CAPN14: variants seen among roughly 807,000 people sequenced by gnomAD.
CAPN14 encodes calpain-14.
Under a neutral mutation model 101.3 loss-of-function variants are expected in CAPN14, and 94 were observed. The observed-to-expected ratio is 0.93, with a 90% CI of 0.79 to 1.10. The LOEUF is 1.10. CAPN14 is among the 50% of genes least tolerant of loss of function. The probability of loss-of-function intolerance (pLI) is 0.00; values close to 1 mark genes in which losing one functional copy is unlikely to be tolerated. For synonymous variants in CAPN14, 338 were observed against 317.9 expected, an observed-to-expected ratio of 1.06 and a Z score of -0.67; for missense variants, 837 against 828.4, an observed-to-expected ratio of 1.01 and a Z score of -0.13.
At position 31,178,373 on chromosome 2, in the gene CAPN14, C is replaced by T. The variant is rs114302016; in HGVS notation, c.1779+138G>A. 2.0e-3 allele frequency: 1,366 copies of T among 674,944 alleles called. 15 individuals carry two copies. In the African/African-American group the frequency reaches 0.022, roughly 11 times the overall value. The allele number at this position is 674,944 out of a possible 1,614,324, so 41.8% of individuals were successfully genotyped here. On this transcript the variant is annotated intron_variant, in intron 18 of 21. Coordinates refer to ENST00000403897, the MANE Select transcript of CAPN14 (RefSeq NM_001145122.2). ...TTGGAAGAGACCAATAGAGGAAATG[C>T]TCACCGAAGGGAGAATAGAGAAGGT...
In CAPN14 at chr2:31,202,199, G is replaced by C; in HGVS notation, c.349C>G (p.Leu117Val). The C allele has an allele frequency of 4.5e-6, 7 of 1,551,792 alleles. No individual in the cohort carries two copies. Among genetic ancestry groups the C allele is most frequent in the Non-Finnish European group, 6.1e-6 (7 of 1,147,022 alleles). Residue 117 changes from leucine (L) to valine (V), a missense_variant, in exon 4 of 22, where the codon CTG (leucine) becomes GTG (valine). By Grantham distance (32) the Leu-to-Val change is conservative. Transcript: ENST00000403897. ...LQALALHQDI[L>V]SRVVPLNQSF... ...TGATTCAGGGGAACAACCCGGCTCA[G>C]GATGTCCTGGTGCAAGGCCAGAGCT...
chr2:31,187,933 G>A (rs766332580), intron 14 of CAPN14, 119 bp from the exon 15 acceptor site: 22 of 814,636 alleles, frequency 2.7e-5, no homozygotes, highest in South Asian at 8.9e-5. Context: ...ACTTTGCATC[G>A]TCTTTAATTT....
At chr2:31,184,847 C>G (rs577594102) in intron 16 of CAPN14, among the ~76,000 whole-genome samples, 1 of 152,166 alleles carries the variant, frequency 6.6e-6, no homozygotes, top group South Asian at 2.1e-4. Context: ...TGAATTTGTA[C>G]GAGCTTATTT....
At chr2:31,180,517 G>C (rs1680538422) in intron 17 of CAPN14, among the ~76,000 whole-genome samples, 1 of 152,116 alleles carries the variant, frequency 6.6e-6, no homozygotes, top group Non-Finnish European at 1.5e-5. Flanking sequence ...TCTGTGCATG[G>C]GGGCAGCCAC....
At chr2:31,204,552 C>T (rs1331164343) in intron 2 of CAPN14, among the ~76,000 whole-genome samples, 1 of 152,032 alleles carries the variant, frequency 6.6e-6, no homozygotes, top group African/African-American at 2.4e-5. Context: ...AAATTGATCA[C>T]CAAAGGCCAA....
intron 1 of CAPN14, chr2:31,226,729 A>G (rs1371302897): frequency 6.6e-6 from 1 of 152,266 alleles, no homozygotes; most frequent in East Asian, 1.9e-4. Flanking sequence ...AGCAGCTCAG[A>G]GCCCAGTGTG....
intron 1 of CAPN14, among the ~76,000 whole-genome samples, chr2:31,215,330 G>A (rs1169168991): frequency 6.6e-6 from 1 of 151,536 alleles, no homozygotes; most frequent in Non-Finnish European, 1.5e-5. Context: ...AGCTAGATGA[G>A]CGGTCAGACT....
chr2:31,221,242 A>G (rs942363054), upstream of CAPN14, among the ~76,000 whole-genome samples: 1 of 152,228 alleles, frequency 6.6e-6, no homozygotes, highest in African/African-American at 2.4e-5. Flanking sequence ...AAATTTCAAG[A>G]ACATTTATTC....
intron 12 of CAPN14, 101 bp from the exon 13 acceptor site, chr2:31,189,579 T>C: frequency 2.2e-6 from 2 of 924,170 alleles, no homozygotes; most frequent in Non-Finnish European, 1.7e-6. Flanking sequence ...AGGTGGCCTC[T>C]GCTCTGCCAA....
intron 2 of CAPN14, among the ~76,000 whole-genome samples, chr2:31,224,161 G>T (rs1682950573): frequency 6.6e-6 from 1 of 152,136 alleles, no homozygotes; most frequent in Admixed American, 6.6e-5. Context: ...GCTATCAATA[G>T]AGAACTCCTC....
At chr2:31,191,590 A>G (rs1382743271) in intron 11 of CAPN14, among the ~76,000 whole-genome samples, 183 bp from the exon 12 acceptor site, 3 of 152,192 alleles carry the variant, frequency 2.0e-5, no homozygotes, top group Non-Finnish European at 4.4e-5. Context: ...TTAATCTATC[A>G]TTGGAAATTC....
chr2:31,207,488 T>G (rs1682162315), intron 1 of CAPN14, among the ~76,000 whole-genome samples: 1 of 152,118 alleles, frequency 6.6e-6, no homozygotes, highest in Non-Finnish European at 1.5e-5. Flanking sequence ...TTTTTTCAGG[T>G]CAGGTGCAAG....
At chr2:31,191,429 A>C in intron 11 of CAPN14, 22 bp from the exon 12 acceptor site, 1 of 1,509,136 alleles carries the variant, frequency 6.6e-7, no homozygotes, top group Non-Finnish European at 8.9e-7. Context: ...AAACAAAAAC[A>C]GAAAAAAAAA....
intron 1 of CAPN14, among the ~76,000 whole-genome samples, chr2:31,232,007 G>A (rs372419854): frequency 6.6e-6 from 1 of 152,146 alleles, no homozygotes; most frequent in African/African-American, 2.4e-5. Context: ...GATCAGTTTT[G>A]GGGTTCAAGG....
At chr2:31,176,925 G>A in intron 20 of CAPN14, 101 bp downstream of exon 20, 1 of 875,790 alleles carries the variant, frequency 1.1e-6, no homozygotes, top group Non-Finnish European at 1.8e-6. Context: ...TGCTGTTTCT[G>A]GGATGGCGGC....
At chr2:31,192,579 G>A (rs550567431) in intron 10 of CAPN14, among the ~76,000 whole-genome samples, 5 of 152,076 alleles carry the variant, frequency 3.3e-5, no homozygotes, top group Non-Finnish European at 7.3e-5. Context: ...CCTTCAAAAG[G>A]GATGGCTCAC....
rs7602062 is a variant in CAPN14 at position 31,174,506 on chromosome 2, G to T, written c.*175C>A. On this transcript the variant is annotated 3_prime_UTR_variant, in exon 22 of 22. Transcript: ENST00000403897. Reference sequence around the variant, plus strand: ...TACTTCCTCCCTTCCCTTTCTGCATGCTGGCCATGCACGGGGAGGGCTGCA... The same window carrying T: ...TACTTCCTCCCTTCCCTTTCTGCATTCTGGCCATGCACGGGGAGGGCTGCA... The T allele has an allele frequency of 0.024, 15,064 of 637,570 alleles. 289 individuals carry two copies. Among genetic ancestry groups the T allele is most frequent in the South Asian group, 0.057 (3,017 of 52,508 alleles). 39.5% of individuals were successfully genotyped at this position (637,570 alleles called of 1,614,324 possible).
At chr2:31,184,431 C>G (rs1216167848) in intron 16 of CAPN14, among the ~76,000 whole-genome samples, 1 of 152,190 alleles carries the variant, frequency 6.6e-6, no homozygotes, top group Non-Finnish European at 1.5e-5. Flanking sequence ...GTTTCTAAAC[C>G]CTCAACACCC....
At position 31,194,454 on chromosome 2, in the gene CAPN14, T is replaced by C. The variant is rs779020981; in HGVS notation, c.905A>G (p.Lys302Arg). The C allele has an allele frequency of 6.4e-7, 1 of 1,551,582 alleles. No homozygotes were observed. The change falls in exon 9 of 22, where the codon AAG (lysine) becomes AGG (arginine). Residue 302 changes from lysine (K) to arginine (R), a missense_variant. Physicochemically the swap from Lys to Arg is conservative, Grantham distance 26. Transcript: ENST00000403897. ...TTTCCTCAGAAGCAGAATCTTCTCCTTGGGGCTCAGCAGCTCCCATTTACT... is the reference window on the plus strand; with the variant it reads ...TTTCCTCAGAAGCAGAATCTTCTCCCTGGGGCTCAGCAGCTCCCATTTACT... ...SSSKWELLSP[K>R]EKILLLRKDN...
Sources: allele counts gnomAD v4.1 joint callset (sites outside exome capture counted in the v4.1 genomes callset), GRCh38; gene constraint gnomAD v4.1.1; transcripts MANE v1.5; gene names NCBI Gene and HGNC (gene_info 2026-07-23, HGNC 2026-07-21).